PASK: variants seen among roughly 807,000 people sequenced by gnomAD.
PASK encodes PAS domain containing serine/threonine kinase.
In PASK, 110 loss-of-function variants were observed where a neutral mutation model predicts 121.0. The ratio of observed to expected loss-of-function variants is 0.91; its 90% confidence interval spans 0.78 to 1.06. PASK has a LOEUF of 1.06. PASK is among the 50% of genes least tolerant of loss of function. PASK has a pLI of 0.00. For synonymous variants in PASK, 686 were observed against 717.8 expected, an observed-to-expected ratio of 0.96 and a Z score of 0.71; for missense variants, 1,643 against 1,702.3, an observed-to-expected ratio of 0.97 and a Z score of 0.61.
intron 14 of PASK, 34 bp downstream of exon 14, chr2:241,115,009 C>T (rs778633448): frequency 3.7e-6 from 6 of 1,613,740 alleles, no homozygotes; most frequent in Admixed American, 1.7e-5. Flanking sequence ...CCCAGGCCTG[C>T]GTTCACACTA....
intron 7 of PASK, 134 bp from the exon 8 acceptor site, chr2:241,136,173 G>T: frequency 1.3e-6 from 1 of 794,394 alleles, no homozygotes; most frequent in Non-Finnish European, 2.2e-6. Flanking sequence ...GAAAGGCCTC[G>T]GGCCAAATGC....
At chr2:241,135,096 G>A (rs370592980) in intron 8 of PASK, among the ~76,000 whole-genome samples, 18 of 152,346 alleles carry the variant, frequency 1.2e-4, no homozygotes, top group African/African-American at 3.1e-4. Flanking sequence ...CAGCCAGAGT[G>A]GGTCCCTCGG....
Position 241,106,214 on chromosome 2 carries a change from G to T in PASK, c.*352C>A. On this transcript the variant is annotated 3_prime_UTR_variant, in exon 18 of 18. Coordinates refer to ENST00000234040, the MANE Select transcript of PASK (RefSeq NM_015148.4). ...ACAAATTTCACATATCCGTCACTCA[G>T]ATGAGCATATACCAAGTCAGAGGAA... 3.2e-6 allele frequency: 1 copy of T among 316,256 alleles called. No homozygotes were observed. The allele number at this position is 316,256 out of a possible 1,614,324, so 19.6% of individuals were successfully genotyped here.
At chr2:241,144,157 T>C (rs199975400) in intron 1 of PASK, among the ~76,000 whole-genome samples, 1 of 151,426 alleles carries the variant, frequency 6.6e-6, no homozygotes, top group Non-Finnish European at 1.5e-5. Flanking sequence ...AGCGTGTGTG[T>C]GTGCGCGCAT....
intron 4 of PASK, chr2:241,139,449 G>A (rs1385634749): frequency 2.2e-6 from 1 of 461,194 alleles, no homozygotes; most frequent in Non-Finnish European, 4.5e-6. Flanking sequence ...ACAGGTGAGA[G>A]AATCAACACT....
chr2:241,149,918 C>T, upstream of PASK: 2 of 1,429,560 alleles, frequency 1.4e-6, no homozygotes, highest in Non-Finnish European at 1.8e-6. Context: ...CCCGCACCTG[C>T]CCGCCTGCTC....
At chr2:241,115,623 A>ACCG (rs2065303232) in intron 12 of PASK, among the ~76,000 whole-genome samples, 2 of 112,310 alleles carry the variant, frequency 1.8e-5, no homozygotes, top group African/African-American at 8.6e-5. Context: ...AGGGACACCC[A>ACCG]GTCCTCAAGC....
rs755804719 is a variant in PASK, at chr2:241,124,035, C to G, written c.2818G>C (p.Ala940Pro). The change falls in exon 11 of 18, where the codon GCC (alanine) becomes CCC (proline). Residue 940 changes from alanine (A) to proline (P), a missense_variant. Ala to Pro is a conservative substitution (Grantham distance 27). Coordinates refer to ENST00000234040, the MANE Select transcript of PASK (RefSeq NM_015148.4). ...KDLLHSQRDS[A>P]ARTRLFLASL... is the part of the protein sequence containing the mutation. Reference sequence around the variant, plus strand: ...GCAAGGAACAGGCGGGTCCTGGCGGCTGAGTCGCGTTGGCTGTGGAGGAGG... The same window carrying G: ...GCAAGGAACAGGCGGGTCCTGGCGGGTGAGTCGCGTTGGCTGTGGAGGAGG... 12 of 1,613,618 alleles carry G rather than the reference C, an allele frequency of 7.4e-6. No individual in the cohort carries two copies. The South Asian group carries it at 1.2e-4, about 16-fold the overall frequency.
chr2:241,124,803 C>T (rs1488119256), intron 10 of PASK, among the ~76,000 whole-genome samples: 1 of 152,178 alleles, frequency 6.6e-6, no homozygotes, highest in African/African-American at 2.4e-5. Context: ...GAAAAAAACC[C>T]TAGCTATCAA....
At chr2:241,146,816 C>T (rs2066979156) in intron 1 of PASK, among the ~76,000 whole-genome samples, 1 of 152,204 alleles carries the variant, frequency 6.6e-6, no homozygotes, top group African/African-American at 2.4e-5. Context: ...CACAGGTCCC[C>T]TGATTTCCTA....
In PASK at chr2:241,114,908, C is replaced by T. The variant is rs750290658; in HGVS notation, c.3333+135G>A. 3 of 1,566,300 alleles carry T rather than the reference C, an allele frequency of 1.9e-6. No individual in the cohort carries two copies. The South Asian group carries it at 3.6e-5, about 19-fold the overall frequency. ...TTTTCTTCTCAAAATATATATCCTA[C>T]TCCATGAAATCCCCACACAGAAGGC... On this transcript the variant is annotated intron_variant, in intron 14 of 17. Coordinates refer to ENST00000234040, the MANE Select transcript of PASK (RefSeq NM_015148.4).
chr2:241,122,672 A>C, intron 12 of PASK, 60 bp downstream of exon 12: 1 of 1,532,712 alleles, frequency 6.5e-7, no homozygotes, highest in Non-Finnish European at 9.0e-7. Context: ...AACTGGGACC[A>C]AAAGTCGAGA....
chr2:241,126,412 G>A lies in PASK; in HGVS notation c.2503C>T (p.His835Tyr), dbSNP rs1217149024. 1 of 1,614,112 alleles carries A rather than the reference G, an allele frequency of 6.2e-7. No homozygotes were observed. Among genetic ancestry groups the A allele is most frequent in the African/African-American group, 1.3e-5 (1 of 74,948 alleles). Reference sequence around the variant, plus strand: ...CTTTCTCTGTCGCTTGCTGCATAATGCTCAGAGGACACCAAACAAACCTCA... The same window carrying A: ...CTTTCTCTGTCGCTTGCTGCATAATACTCAGAGGACACCAAACAAACCTCA... ...PLEVCLVSSEHYAASDRESPG... is the reference protein window; with the variant it reads ...PLEVCLVSSEYYAASDRESPG... The change falls in exon 10 of 18, where the codon CAT (histidine) becomes TAT (tyrosine). Residue 835 changes from histidine (H) to tyrosine (Y), a missense_variant. Coordinates refer to ENST00000234040, the MANE Select transcript of PASK (RefSeq NM_015148.4).
chr2:241,130,884 G>A (rs2066095471), intron 9 of PASK, among the ~76,000 whole-genome samples: 3 of 152,188 alleles, frequency 2.0e-5, no homozygotes, highest in African/African-American at 7.2e-5. Flanking sequence ...ACACATTTAG[G>A]ACACTGTGTA....
At chr2:241,135,296 T>G (rs1030122922) in intron 8 of PASK, among the ~76,000 whole-genome samples, 1 of 152,112 alleles carries the variant, frequency 6.6e-6, no homozygotes, top group African/African-American at 2.4e-5. Flanking sequence ...CTCAGTACAC[T>G]CAGGGGATGG....
chr2:241,138,966 G>C (rs1472670233), intron 4 of PASK, among the ~76,000 whole-genome samples, 172 bp from the exon 5 acceptor site: 1 of 152,180 alleles, frequency 6.6e-6, no homozygotes, highest in Non-Finnish European at 1.5e-5. Flanking sequence ...TTCCCATACT[G>C]AACATTAAAA....
intron 9 of PASK, among the ~76,000 whole-genome samples, chr2:241,130,840 G>C (rs1351633733): frequency 3.9e-5 from 6 of 152,186 alleles, no homozygotes; most frequent in African/African-American, 4.8e-5. Context: ...TGTAGAGGAA[G>C]ATCTGCAGGA....
chr2:241,118,787 C>T (rs2125414131), intron 12 of PASK: 1 of 395,490 alleles, frequency 2.5e-6, no homozygotes, highest in East Asian at 7.2e-5. Flanking sequence ...GGGCAGACAG[C>T]CTGGCCAAGG....
rs201982321 is a variant in PASK, at chr2:241,126,750, A to G, written c.2165T>C (p.Leu722Pro). ...CTCCACTGCTTCCAGGCCCCCAGGGAGGTCCGTGGCCAAGGCATAGCAGGC... is the reference window on the plus strand; with the variant it reads ...CTCCACTGCTTCCAGGCCCCCAGGGGGGTCCGTGGCCAAGGCATAGCAGGC... ...SSACYALATD[L>P]PGGLEAVEAQ... The change falls in exon 10 of 18, where the codon CTC (leucine) becomes CCC (proline). Residue 722 changes from leucine (L) to proline (P), a missense_variant. Around this residue, in one of 3 missense-constraint regions of PASK, gnomAD observed 1,176 missense variants for 1,162.2 expected, o/e 1.01. Transcript: ENST00000234040. 693 of 1,614,096 alleles carry G rather than the reference A, an allele frequency of 4.3e-4. 4 individuals carry two copies. In the South Asian group the frequency reaches 5.0e-3, roughly 12 times the overall value.
Sources: allele counts gnomAD v4.1 joint callset (sites outside exome capture counted in the v4.1 genomes callset), GRCh38; gene constraint gnomAD v4.1.1; regional missense constraint gnomAD v4.1.1; transcripts MANE v1.5; gene names NCBI Gene and HGNC (gene_info 2026-07-23, HGNC 2026-07-21).